Variants in CNR2 observed in about 807,000 individuals in gnomAD.
The protein encoded by CNR2 is cannabinoid receptor 2 (macrophage).
For missense variants in CNR2, 379 were observed against 439.9 expected, an observed-to-expected ratio of 0.86 and a Z score of 1.24; for synonymous variants, 172 against 182.2, an observed-to-expected ratio of 0.94 and a Z score of 0.45.
intron 1 of CNR2, among the ~76,000 whole-genome samples, chr1:23,903,829 C>T (rs571167652): frequency 6.6e-6 from 1 of 152,236 alleles, no homozygotes; most frequent in South Asian, 2.1e-4. Flanking sequence ...CTCTGTTTTG[C>T]AGACAAGGAG....
chr1:23,882,678 C>A (rs12759455), intron 1 of CNR2, among the ~76,000 whole-genome samples: 106,610 of 147,032 alleles, frequency 0.73, 39,481 homozygotes, highest in Middle Eastern at 0.79. Context: ...AAAATTAGCC[C>A]GCATGATGGC....
At chr1:23,882,750 G>A (rs1448609276) in intron 1 of CNR2, among the ~76,000 whole-genome samples, 1 of 151,970 alleles carries the variant, frequency 6.6e-6, no homozygotes, top group African/African-American at 2.4e-5. Flanking sequence ...AACCTGGGAG[G>A]CGGAGGTTTC....
At chr1:23,875,763 G>A in intron 1 of CNR2, 101 bp from the exon 2 acceptor site, 1 of 924,542 alleles carries the variant, frequency 1.1e-6, no homozygotes, top group Non-Finnish European at 1.6e-6. Context: ...TGTATGGATG[G>A]ATTCTATGTG....
intron 1 of CNR2, among the ~76,000 whole-genome samples, chr1:23,885,229 C>T (rs1640066675): frequency 6.6e-6 from 1 of 151,128 alleles, no homozygotes; most frequent in Admixed American, 6.6e-5. Flanking sequence ...CATGCTACTG[C>T]ACTCCAGCCT....
chr1:23,912,788 C>T (rs1271487492), intron 1 of CNR2, among the ~76,000 whole-genome samples: 1 of 152,206 alleles, frequency 6.6e-6, no homozygotes, highest in Non-Finnish European at 1.5e-5. Flanking sequence ...TCCACAACCC[C>T]AGGTGTCCTG....
At chr1:23,889,493 T>G (rs556668989) in intron 1 of CNR2, among the ~76,000 whole-genome samples, 2 of 152,160 alleles carry the variant, frequency 1.3e-5, no homozygotes, top group Non-Finnish European at 2.9e-5. Flanking sequence ...TTCTTTGATT[T>G]CTATTAAAAA....
chr1:23,911,244 G>A (rs993016551), intron 1 of CNR2, among the ~76,000 whole-genome samples: 6 of 151,870 alleles, frequency 4.0e-5, no homozygotes, highest in Non-Finnish European at 8.8e-5. Context: ...GGGGACCGAG[G>A]TCTTGGGCAC....
rs915846442 is a variant in CNR2 at position 23,893,585 on chromosome 1, G to A, written c.-45-17923C>T. Among the ~76,000 whole-genome samples the A allele has an allele frequency of 2.6e-5, 4 of 152,288 alleles. No individual in the cohort carries two copies. The East Asian group carries it at 5.8e-4, about 22-fold the overall frequency. On this transcript the variant is annotated intron_variant, in intron 1 of 1. Transcript: ENST00000374472. Reference sequence around the variant, plus strand: ...GTGGAAAGAAAACAGTCCTGAGTTCGGAATCTCAGGTGCTCAGGGTTTGAG... The same window carrying A: ...GTGGAAAGAAAACAGTCCTGAGTTCAGAATCTCAGGTGCTCAGGGTTTGAG...
chr1:23,910,420 A>G (rs1640563975), intron 1 of CNR2, among the ~76,000 whole-genome samples: 1 of 151,872 alleles, frequency 6.6e-6, no homozygotes, highest in South Asian at 2.1e-4. Flanking sequence ...CTTAAGAAAA[A>G]AACAAGAGCG....
chr1:23,891,275 T>TTG (rs57856234), intron 1 of CNR2, among the ~76,000 whole-genome samples: 1,571 of 150,412 alleles, frequency 0.01, 33 homozygotes, highest in African/African-American at 0.036. Context: ...ACCAAATCTT[T>TTG]TGTGTGTGTG....
rs999483453 is a variant in CNR2 at position 23,872,656 on chromosome 1, A to G, written c.*1879T>C. 1 of 152,154 alleles carries G rather than the reference A, an allele frequency of 6.6e-6. No homozygotes were observed. Among genetic ancestry groups the G allele is most frequent in the East Asian group, 1.9e-4 (1 of 5,190 alleles). The allele number at this position is 152,154 out of a possible 1,614,324, so 9.4% of individuals were successfully genotyped here. On this transcript the variant is annotated 3_prime_UTR_variant, in exon 2 of 2. Transcript: ENST00000374472. The stretch of plus-strand genomic sequence containing the variant: ...GTGACTTTGCATCTTTGAGGTTGCC[A>G]CATCTGTAAAATGAAGATAACTAAG...
chr1:23,885,654 T>C (rs4649126), intron 1 of CNR2, among the ~76,000 whole-genome samples: 109,652 of 150,190 alleles, frequency 0.73, 40,569 homozygotes, highest in Middle Eastern at 0.81. Context: ...CTGAAGCAGG[T>C]GGATCACGAG....
At chr1:23,897,533 G>T (rs997384395) in intron 1 of CNR2, among the ~76,000 whole-genome samples, 4 of 151,352 alleles carry the variant, frequency 2.6e-5, no homozygotes, top group African/African-American at 9.8e-5. Flanking sequence ...GGAGTGCAGT[G>T]GTGCGATCTC....
intron 1 of CNR2, among the ~76,000 whole-genome samples, chr1:23,900,373 C>T (rs987258176): frequency 6.6e-6 from 1 of 152,076 alleles, no homozygotes; most frequent in Admixed American, 6.6e-5. Context: ...TACTCTTTCT[C>T]TATTGCAATT....
chr1:23,910,623 C>T (rs1246903680), intron 1 of CNR2, among the ~76,000 whole-genome samples: 3 of 112,884 alleles, frequency 2.7e-5, no homozygotes, highest in Non-Finnish European at 3.3e-5. Flanking sequence ...CATTATACTC[C>T]AGCCTGGGCA....
chr1:23,911,844 C>T (rs1640592225), intron 1 of CNR2, among the ~76,000 whole-genome samples: 1 of 152,182 alleles, frequency 6.6e-6, no homozygotes, highest in African/African-American at 2.4e-5. Context: ...AAGGTGGTTA[C>T]AGAGCTGGGG....
Position 23,874,399 on chromosome 1 carries a change from C to G in CNR2, c.*136G>C. 1.0e-6 allele frequency: 1 copy of G among 973,456 alleles called. No homozygotes were observed. The highest frequency in any genetic ancestry group is 1.6e-5 in the African/African-American group (1 of 60,756). 60.3% of individuals were successfully genotyped at this position (973,456 alleles called of 1,614,324 possible). On this transcript the variant is annotated 3_prime_UTR_variant, in exon 2 of 2. Coordinates refer to ENST00000374472, the MANE Select transcript of CNR2 (RefSeq NM_001841.3). The stretch of plus-strand genomic sequence containing the variant: ...TGTCTTCCAGGAGTCAGTCCCAACA[C>G]TCATCAGCAAAAAGGGGTCCGTGTC...
intron 1 of CNR2, among the ~76,000 whole-genome samples, chr1:23,900,614 C>A (rs1028276966): frequency 9.9e-5 from 15 of 151,156 alleles, no homozygotes; most frequent in Non-Finnish European, 1.9e-4. Context: ...TCAAGCAATT[C>A]TCTTGCCTCA....
At position 23,871,196 on chromosome 1, in the gene CNR2, G is replaced by A. The variant is rs1320293853; in HGVS notation, c.*3339C>T. On this transcript the variant is annotated 3_prime_UTR_variant, in exon 2 of 2. Transcript: ENST00000374472. ...AAAAAAAAAGCAGAAATACAGTGTG[G>A]TTCTAAAAGAAGAGAAGTAGAAAGT... 1 of 146,684 alleles carries A rather than the reference G, an allele frequency of 6.8e-6. No homozygotes were observed. The highest frequency in any genetic ancestry group is 2.5e-5 in the African/African-American group (1 of 39,942). The allele number at this position is 146,684 out of a possible 1,614,324, so 9.1% of individuals were successfully genotyped here. A position where few individuals can be genotyped will look rare whatever the true frequency, so the allele number is the denominator to read the frequency against.
Sources: allele counts gnomAD v4.1 joint callset (sites outside exome capture counted in the v4.1 genomes callset), GRCh38; gene constraint gnomAD v4.1.1; transcripts MANE v1.5; gene names NCBI Gene and HGNC (gene_info 2026-07-23, HGNC 2026-07-21).